Variants in PUDP observed in about 807,000 individuals in gnomAD.
The protein encoded by PUDP is pseudouridine 5'-phosphatase.
A neutral mutation model predicts 9.4 loss-of-function variants in PUDP; 8 were observed. The ratio of observed to expected loss-of-function variants is 0.85; its 90% CI spans 0.50 to 1.53. The LOEUF (loss-of-function observed/expected upper bound fraction) is 1.53. Ranked by LOEUF, PUDP falls within the 40% of genes most tolerant of loss-of-function variation. PUDP has a pLI of 0.00. For synonymous variants in PUDP, 99 were observed against 80.7 expected, an observed-to-expected ratio of 1.23 and a Z score of -1.22; for missense variants, 188 against 189.7, an observed-to-expected ratio of 0.99 and a Z score of 0.05.
At chrX:7,016,926 C>T (rs1360059320) in intron 1 of PUDP, among the ~76,000 whole-genome samples, 2 of 111,747 alleles carry the variant, frequency 1.8e-5, no homozygotes, top group Non-Finnish European at 3.8e-5. Flanking sequence ...GAATCCAGCA[C>T]TTTCCACCAC....
chrX:7,049,334 G>A lies in PUDP; in HGVS notation c.*962C>T, dbSNP rs1484941127. Reference sequence around the variant, plus strand: ...AAGCGATTAATCACAGAAGTTCAATGTCTGATAAATTATTCCAAAAGTGTT... The same window carrying A: ...AAGCGATTAATCACAGAAGTTCAATATCTGATAAATTATTCCAAAAGTGTT... On this transcript the variant is annotated 3_prime_UTR_variant, in exon 4 of 4. Transcript: ENST00000381077. 2 of 112,549 alleles carry A rather than the reference G, an allele frequency of 1.8e-5. No homozygotes were observed. Among genetic ancestry groups the A allele is most frequent in the East Asian group, 5.6e-4 (2 of 3,592 alleles). The allele number at this position is 112,549 out of a possible 1,213,427, so 9.3% of individuals were successfully genotyped here. A position where few individuals can be genotyped will look rare whatever the true frequency, so the allele number is the denominator to read the frequency against.
intron 1 of PUDP, among the ~76,000 whole-genome samples, chrX:7,038,848 C>T (rs1348571073): frequency 8.9e-6 from 1 of 111,931 alleles, no homozygotes; most frequent in African/African-American, 3.2e-5. Context: ...GGATGAATAT[C>T]GTTCTTTCCT....
At chrX:6,907,105 A>G (rs1033681111) in intron 3 of PUDP, among the ~76,000 whole-genome samples, 1 of 110,354 alleles carries the variant, frequency 9.1e-6, no homozygotes, top group East Asian at 2.9e-4. Flanking sequence ...TGGGAGGGAG[A>G]CGGTGGGAGG....
chrX:6,746,997 T>C (rs1305200890), intron 3 of PUDP, among the ~76,000 whole-genome samples: 1 of 111,638 alleles, frequency 9.0e-6, no homozygotes, highest in African/African-American at 3.3e-5. Flanking sequence ...CCACACTGTC[T>C]TCCACAATGG....
At chrX:6,706,801 A>C (rs1432127813) in intron 1 of PUDP, among the ~76,000 whole-genome samples, 1 of 111,758 alleles carries the variant, frequency 8.9e-6, no homozygotes, top group Non-Finnish European at 1.9e-5. Flanking sequence ...GGCACCAAAA[A>C]GAATCTAATA....
intron 1 of PUDP, among the ~76,000 whole-genome samples, chrX:7,121,817 C>A (rs1162429967): frequency 9.0e-6 from 1 of 111,640 alleles, no homozygotes; most frequent in Non-Finnish European, 1.9e-5. Flanking sequence ...TTTATAAATT[C>A]AGGAGAGCTC....
chrX:6,927,726 G>C (rs909841171), intron 3 of PUDP, among the ~76,000 whole-genome samples: 6 of 111,366 alleles, frequency 5.4e-5, no homozygotes, highest in Admixed American at 9.6e-5. Context: ...CAGAATGAAG[G>C]CCCAACTCCC....
At chrX:7,090,555 T>C (rs947303121) in intron 2 of PUDP, among the ~76,000 whole-genome samples, 3 of 112,158 alleles carry the variant, frequency 2.7e-5, no homozygotes, top group Non-Finnish European at 5.6e-5. Context: ...TACAATAGGC[T>C]GTGCATGGTA....
intron 1 of PUDP, among the ~76,000 whole-genome samples, chrX:7,126,990 T>C (rs991165569): frequency 1.8e-5 from 2 of 111,955 alleles, no homozygotes; most frequent in African/African-American, 3.2e-5. Context: ...TCAGATTTTA[T>C]GTATCTAATT....
In PUDP at chrX:6,981,775, G is replaced by A. The variant is rs757099720; in HGVS notation, c.205-3432C>T. On this transcript the variant is annotated intron_variant and NMD_transcript_variant, in intron 1 of 3. Coordinates refer to the PUDP transcript ENST00000655425. ...AAACATTTTTGCCTTTCCCCAAATC[G>A]TAGAGTCAATCGGAAAAAAGGCAAG... Among the ~76,000 whole-genome samples, 21 of 110,922 alleles carry A rather than the reference G, an allele frequency of 1.9e-4. No homozygotes were observed. In the South Asian group the frequency reaches 6.9e-3, roughly 36 times the overall value.
intron 3 of PUDP, among the ~76,000 whole-genome samples, chrX:6,932,406 G>C (rs1310193161): frequency 1.8e-5 from 2 of 111,729 alleles, no homozygotes; most frequent in African/African-American, 3.3e-5. Context: ...GCCCCTTTTT[G>C]AAAGTGCATA....
chrX:6,893,026 CTA>C (rs767169196), intron 3 of PUDP, among the ~76,000 whole-genome samples: 1 of 111,912 alleles, frequency 8.9e-6, no homozygotes, highest in African/African-American at 3.2e-5. Flanking sequence ...TTAATTTTTG[CTA>C]TGTCATTGGG....
At chrX:7,133,928 T>C (rs1445452858) in intron 1 of PUDP, among the ~76,000 whole-genome samples, 12 of 112,305 alleles carry the variant, frequency 1.1e-4, no homozygotes, top group African/African-American at 3.9e-4. Flanking sequence ...ATGCATAACA[T>C]GTGCAGATGG....
intron 1 of PUDP, among the ~76,000 whole-genome samples, chrX:6,987,560 G>A (rs1569135738): frequency 1.8e-5 from 2 of 112,103 alleles, no homozygotes; most frequent in African/African-American, 6.5e-5. Context: ...AGCATACATT[G>A]TATATCGTGA....
At chrX:7,131,399 G>T (rs1432981078) in intron 1 of PUDP, among the ~76,000 whole-genome samples, 1 of 110,605 alleles carries the variant, frequency 9.0e-6, no homozygotes, top group African/African-American at 3.3e-5. Context: ...TTAAGTGAAG[G>T]ATCTGGAGAT....
chrX:6,778,183 T>C (rs1401726714), intron 3 of PUDP, among the ~76,000 whole-genome samples: 1 of 111,893 alleles, frequency 8.9e-6, no homozygotes, highest in Non-Finnish European at 1.9e-5. Context: ...TGCCTTTTTA[T>C]AGACACGCTG....
chrX:7,138,712 A>T (rs1022804442), intron 1 of PUDP, among the ~76,000 whole-genome samples: 1 of 111,450 alleles, frequency 9.0e-6, no homozygotes, highest in Non-Finnish European at 1.9e-5. Flanking sequence ...GAGATTTCTA[A>T]TCTCTACCTG....
chrX:6,741,222 C>T (rs548731278), intron 3 of PUDP, among the ~76,000 whole-genome samples: 6 of 110,582 alleles, frequency 5.4e-5, no homozygotes, highest in African/African-American at 2.0e-4. Context: ...CTTAGTTTTC[C>T]TCTGCAGCTC....
At chrX:6,777,594 T>C (rs1265168665) in intron 3 of PUDP, among the ~76,000 whole-genome samples, 1 of 112,551 alleles carries the variant, frequency 8.9e-6, no homozygotes, top group South Asian at 3.7e-4. Context: ...GTAAATAGTA[T>C]ATTTCTGGCT....
Sources: gnomAD v4.1 joint callset for allele counts (sites outside exome capture counted in the v4.1 genomes callset) on GRCh38, gnomAD v4.1.1 for gene constraint, MANE v1.5 for transcripts, NCBI Gene and HGNC (gene_info 2026-07-23, HGNC 2026-07-21) for gene names.